The following DOCK1 variants were observed in gnomAD, a reference collection of about 807,000 sequenced individuals.
DOCK1 encodes dedicator of cytokinesis 1, also known as dedicator of cytokinesis protein 1.
Under a neutral mutation model 262.7 loss-of-function variants are expected in DOCK1, and 138 were observed. The ratio of observed to expected loss-of-function variants is 0.53; its 90% confidence interval spans 0.46 to 0.61. DOCK1 has a LOEUF of 0.61. Among genes scored for constraint, DOCK1 ranks in the 20% least tolerant of loss-of-function variants. The probability of loss-of-function intolerance (pLI) is 0.00; values close to 1 mark genes in which losing one functional copy is unlikely to be tolerated. For synonymous variants in DOCK1, 866 were observed against 867.4 expected, an observed-to-expected ratio of 1.00 and a Z score of 0.03; for missense variants, 1,908 against 2,370.7, an observed-to-expected ratio of 0.80 and a Z score of 4.05.
Position 127,407,860 on chromosome 10 carries a change from T to C in DOCK1, c.4123-1177T>C, listed in dbSNP as rs1185761784. 2.0e-5 allele frequency among the ~76,000 whole-genome samples: 3 copies of C among 152,110 alleles called. No homozygotes were observed. The East Asian group carries it at 5.8e-4, about 30-fold the overall frequency. On this transcript the variant is annotated intron_variant, in intron 40 of 51. Transcript: ENST00000623213. The stretch of plus-strand genomic sequence containing the variant: ...CCCCCAACCCCAGACTTCTGTTTCT[T>C]GTACCCCTGTGGCTTCTGCTCGCTG...
At chr10:127,072,328 A>G (rs753716101) in intron 23 of DOCK1, among the ~76,000 whole-genome samples, 2 of 152,188 alleles carry the variant, frequency 1.3e-5, no homozygotes, top group African/African-American at 2.4e-5. Context: ...AATCACACAG[A>G]TACGCTCTGT....
At chr10:126,917,205 C>T (rs549651586) in intron 1 of DOCK1, among the ~76,000 whole-genome samples, 13 of 152,298 alleles carry the variant, frequency 8.5e-5, no homozygotes, top group Non-Finnish European at 1.8e-4. Context: ...ATTCACAGCA[C>T]GAGGGAAGCC....
At chr10:127,450,605 G>C (rs2070894212) in intron 51 of DOCK1, among the ~76,000 whole-genome samples, 1 of 152,216 alleles carries the variant, frequency 6.6e-6, no homozygotes, top group Non-Finnish European at 1.5e-5. Context: ...TGATGGGCAT[G>C]AGGGTCCCAA....
intron 38 of DOCK1, among the ~76,000 whole-genome samples, chr10:127,385,183 G>A (rs530134893): frequency 1.3e-5 from 2 of 152,266 alleles, no homozygotes; most frequent in African/African-American, 2.4e-5. Flanking sequence ...CACTGATTCG[G>A]AGGTGTTTCC....
chr10:126,978,433 C>T (rs1046435166), intron 3 of DOCK1, among the ~76,000 whole-genome samples: 4 of 152,126 alleles, frequency 2.6e-5, no homozygotes, highest in Non-Finnish European at 5.9e-5. Flanking sequence ...CTAAGTCAAG[C>T]TGTGAAAAAA....
At chr10:126,932,148 A>G (rs2034235231) in intron 1 of DOCK1, among the ~76,000 whole-genome samples, 1 of 152,162 alleles carries the variant, frequency 6.6e-6, no homozygotes, top group Non-Finnish European at 1.5e-5. Flanking sequence ...ATCTGAGCCC[A>G]CAGGCCTAGC....
intron 23 of DOCK1, among the ~76,000 whole-genome samples, chr10:127,090,018 G>A (rs2047423450): frequency 6.6e-6 from 1 of 152,188 alleles, no homozygotes; most frequent in Non-Finnish European, 1.5e-5. Context: ...TTGTTGAAAA[G>A]CAACTGTAGA....
chr10:127,414,566 AC>A (rs1372324107), intron 43 of DOCK1, among the ~76,000 whole-genome samples: 1 of 152,240 alleles, frequency 6.6e-6, no homozygotes, highest in Non-Finnish European at 1.5e-5. Context: ...AACAATAGAT[AC>A]TAAAGCATAT....
intron 23 of DOCK1, among the ~76,000 whole-genome samples, chr10:127,070,250 C>CCT (rs779994048): frequency 1.2e-4 from 11 of 92,948 alleles, no homozygotes; most frequent in African/African-American, 2.9e-4. Context: ...GAATTTAGCC[C>CCT]TTTTTTTTTT....
At chr10:127,229,990 G>A (rs991551026) in intron 27 of DOCK1, among the ~76,000 whole-genome samples, 4 of 152,154 alleles carry the variant, frequency 2.6e-5, no homozygotes, top group Admixed American at 6.5e-5. Flanking sequence ...GTGATGTTGA[G>A]CATTTTTTCA....
At chr10:127,297,323 C>T (rs1014507301) in intron 29 of DOCK1, among the ~76,000 whole-genome samples, 3 of 152,088 alleles carry the variant, frequency 2.0e-5, no homozygotes, top group Admixed American at 6.5e-5. Context: ...CAGAAGCAAG[C>T]GGTATCTGCA....
chr10:126,951,025 ATTG>A (rs1471207976), intron 1 of DOCK1, among the ~76,000 whole-genome samples: 3 of 151,396 alleles, frequency 2.0e-5, no homozygotes, highest in South Asian at 4.2e-4. Flanking sequence ...AGGTGGTAGT[ATTG>A]TTGGTAGTAG....
intron 27 of DOCK1, among the ~76,000 whole-genome samples, chr10:127,162,694 A>G (rs1050496856): frequency 6.6e-6 from 1 of 152,160 alleles, no homozygotes; most frequent in African/African-American, 2.4e-5. Flanking sequence ...AAGCCTAGTT[A>G]TTTCTACTTA....
intron 23 of DOCK1, among the ~76,000 whole-genome samples, chr10:127,062,615 G>A (rs754303385): frequency 5.3e-5 from 8 of 152,210 alleles, no homozygotes; most frequent in Non-Finnish European, 7.3e-5. Context: ...AGCCTCTTTT[G>A]TAGTGAACAT....
chr10:127,198,744 C>CTTTT (rs3083933), intron 27 of DOCK1, among the ~76,000 whole-genome samples: 2 of 146,388 alleles, frequency 1.4e-5, no homozygotes, highest in Admixed American at 6.8e-5. Flanking sequence ...GGCATCGCTT[C>CTTTT]TTTTTTTTTT....
At chr10:127,118,223 A>G (rs757372431) in intron 25 of DOCK1, among the ~76,000 whole-genome samples, 5 of 152,054 alleles carry the variant, frequency 3.3e-5, no homozygotes, top group Admixed American at 6.5e-5. Flanking sequence ...TTCTTTCTGA[A>G]CTTAACACAA....
chr10:127,291,124 G>A (rs1025364486), intron 29 of DOCK1, among the ~76,000 whole-genome samples: 5 of 152,162 alleles, frequency 3.3e-5, no homozygotes, highest in Non-Finnish European at 7.3e-5. Context: ...TTGAGATTGG[G>A]AAGACATCCC....
intron 23 of DOCK1, among the ~76,000 whole-genome samples, chr10:127,082,297 GT>G (rs752498103): frequency 6.6e-6 from 1 of 152,100 alleles, no homozygotes; most frequent in Non-Finnish European, 1.5e-5. Flanking sequence ...CCGGGTCTGG[GT>G]TTGTATTAGT....
chr10:127,389,751 C>T (rs1331498944), intron 38 of DOCK1, among the ~76,000 whole-genome samples: 1 of 152,112 alleles, frequency 6.6e-6, no homozygotes, highest in African/African-American at 2.4e-5. Context: ...CGTGGTGGCT[C>T]ATGCCTGTAA....
Sources: gnomAD v4.1 joint callset for allele counts (sites outside exome capture counted in the v4.1 genomes callset) on GRCh38, gnomAD v4.1.1 for gene constraint, MANE v1.5 for transcripts, NCBI Gene and HGNC (gene_info 2026-07-23, HGNC 2026-07-21) for gene names.